The following LMX1A variants were observed in gnomAD, a reference collection of about 807,000 sequenced individuals.
LMX1A encodes LIM homeobox transcription factor 1 alpha.
A neutral mutation model predicts 49.1 loss-of-function variants in LMX1A; 15 were observed. The ratio of observed to expected loss-of-function variants is 0.31; its 90% CI spans 0.20 to 0.47. LMX1A has a LOEUF of 0.47. LMX1A is among the 20% of genes least tolerant of loss of function. The pLI is 1.00. For synonymous variants in LMX1A, 167 were observed against 185.7 expected (o/e 0.90, Z 0.82); for missense variants, 372 against 475.8 (o/e 0.78, Z 2.03).
chr1:165,263,830 T>C (rs910469186), intron 3 of LMX1A, among the ~76,000 whole-genome samples: 2 of 152,228 alleles, frequency 1.3e-5, no homozygotes, highest in African/African-American at 2.4e-5. Context: ...TCTGCCATTA[T>C]ATCACTGCCT....
At chr1:165,332,954 G>A (rs1006247393) in intron 3 of LMX1A, among the ~76,000 whole-genome samples, 1 of 152,130 alleles carries the variant, frequency 6.6e-6, no homozygotes, top group South Asian at 2.1e-4. Flanking sequence ...AAAGAGCACC[G>A]GACTTGCCAC....
intron 3 of LMX1A, among the ~76,000 whole-genome samples, chr1:165,289,332 G>T (rs1297750320): frequency 6.6e-6 from 1 of 152,018 alleles, no homozygotes; most frequent in Non-Finnish European, 1.5e-5. Context: ...CCCAAAGGGA[G>T]ATCCTTCGTT....
At chr1:165,259,174 C>T (rs1256473833) in intron 3 of LMX1A, among the ~76,000 whole-genome samples, 1 of 152,120 alleles carries the variant, frequency 6.6e-6, no homozygotes, top group Non-Finnish European at 1.5e-5. Context: ...TATAACAAAT[C>T]AAATCAAACT....
Position 165,355,378 on chromosome 1 carries a change from G to C in LMX1A, c.76+106C>G, listed in dbSNP as rs1003583885. On this transcript the variant is annotated intron_variant, in intron 2 of 8. Coordinates refer to ENST00000342310, the MANE Select transcript of LMX1A (RefSeq NM_177398.4). This position sits in a 1 kb window ranked among gnomAD's most constrained non-coding sequence, Gnocchi z 4.7. The stretch of plus-strand genomic sequence containing the variant: ...GGGGCTCAATTTAGTGTATGAAGAG[G>C]GGCGCTAGCTTCCCTATCGCGGACC... 2.9e-6 allele frequency: 3 copies of C among 1,029,368 alleles called. No homozygotes were observed. The Admixed American group carries it at 6.0e-5, about 21-fold the overall frequency. 63.8% of individuals were successfully genotyped at this position (1,029,368 alleles called of 1,614,324 possible).
At chr1:165,226,070 G>A (rs746085049) in intron 4 of LMX1A, among the ~76,000 whole-genome samples, 6 of 151,980 alleles carry the variant, frequency 3.9e-5, no homozygotes, top group Non-Finnish European at 8.8e-5. Context: ...TGGTATGACT[G>A]GAGGAAAAGG....
intron 3 of LMX1A, among the ~76,000 whole-genome samples, chr1:165,305,244 G>A (rs1571212746): frequency 2.6e-5 from 4 of 152,206 alleles, no homozygotes; most frequent in Admixed American, 2.6e-4. Context: ...CCAGGTAATG[G>A]GGTCGATGGA....
chr1:165,202,545 C>A lies in LMX1A; in HGVS notation c.*1335G>T, dbSNP rs558510877. 6.6e-6 allele frequency: 1 copy of A among 152,172 alleles called. No individual in the cohort carries two copies. Among genetic ancestry groups the A allele is most frequent in the Non-Finnish European group, 1.5e-5 (1 of 67,996 alleles). The allele number at this position is 152,172 out of a possible 1,614,324, so 9.4% of individuals were successfully genotyped here. ...TATTTCAGGCTTTCCAGGCCACAGA[C>A]AGCCTGTTATATATTCTTCTTCTCC... On this transcript the variant is annotated 3_prime_UTR_variant, in exon 9 of 9. Coordinates refer to ENST00000342310, the MANE Select transcript of LMX1A (RefSeq NM_177398.4).
At chr1:165,245,354 C>T (rs1652809839) in intron 4 of LMX1A, among the ~76,000 whole-genome samples, 2 of 152,220 alleles carry the variant, frequency 1.3e-5, no homozygotes, top group African/African-American at 4.8e-5. Flanking sequence ...GTTTATTTCC[C>T]ATAAAGGCAA....
intron 3 of LMX1A, among the ~76,000 whole-genome samples, chr1:165,259,017 A>G (rs1253142573): frequency 2.0e-5 from 3 of 152,236 alleles, no homozygotes; most frequent in East Asian, 1.9e-4. Flanking sequence ...GCTGCTCTCA[A>G]TAAGTAGTAG....
intron 4 of LMX1A, among the ~76,000 whole-genome samples, chr1:165,217,464 G>C (rs991822650): frequency 1.3e-5 from 2 of 152,216 alleles, no homozygotes; most frequent in African/African-American, 4.8e-5. Context: ...ACAGGTGGCT[G>C]CTCCTTCCTT....
At chr1:165,207,171 G>A (rs1406569138) in intron 7 of LMX1A, among the ~76,000 whole-genome samples, 2 of 152,154 alleles carry the variant, frequency 1.3e-5, no homozygotes. Context: ...TACCAAAATC[G>A]CAGGTGACTT....
intron 4 of LMX1A, among the ~76,000 whole-genome samples, chr1:165,244,199 C>A (rs1320448063): frequency 1.3e-5 from 2 of 152,226 alleles, no homozygotes; most frequent in Non-Finnish European, 2.9e-5. Flanking sequence ...AAGCTCTGCA[C>A]CCCTTCCCCC....
intron 4 of LMX1A, among the ~76,000 whole-genome samples, chr1:165,238,901 C>T (rs1321101849): frequency 1.3e-5 from 2 of 152,224 alleles, no homozygotes; most frequent in African/African-American, 4.8e-5. Context: ...AAGCAAATTA[C>T]TAACTTTTCC....
chr1:165,272,489 T>C (rs1292520355), intron 3 of LMX1A, among the ~76,000 whole-genome samples: 1 of 152,136 alleles, frequency 6.6e-6, no homozygotes, highest in African/African-American at 2.4e-5. Context: ...CCCCTCAGTC[T>C]GTTTCCACCT....
At chr1:165,291,943 TC>T (rs960087884) in intron 3 of LMX1A, among the ~76,000 whole-genome samples, 2 of 150,344 alleles carry the variant, frequency 1.3e-5, no homozygotes, top group African/African-American at 4.9e-5. Context: ...GCGCTTGTAG[TC>T]CCAGCTACAC....
chr1:165,344,649 G>A lies in LMX1A; in HGVS notation c.263+8427C>T, dbSNP rs138098209. ...TGGACCAGGAATGCCTGGGGGATGC[G>A]CAGAAACTAGGCTCTAGTGTTTCTC... On this transcript the variant is annotated intron_variant, in intron 3 of 8. Coordinates refer to ENST00000342310, the MANE Select transcript of LMX1A (RefSeq NM_177398.4). Among the ~76,000 whole-genome samples, 64 of 152,276 alleles carry A rather than the reference G, an allele frequency of 4.2e-4. 1 individual carries two copies. Among genetic ancestry groups the A allele is most frequent in the African/African-American group, 1.2e-3 (50 of 41,550 alleles).
intron 4 of LMX1A, among the ~76,000 whole-genome samples, chr1:165,244,461 T>A (rs1394441): frequency 1 from 151,918 of 152,164 alleles, 75,836 homozygotes; most frequent in Middle Eastern, 1. Flanking sequence ...GCTCTTAACC[T>A]GTGGGATCTG....
chr1:165,218,475 C>T (rs912313827), intron 4 of LMX1A: 5 of 152,434 alleles, frequency 3.3e-5, no homozygotes, highest in African/African-American at 1.2e-4. Context: ...CTAACCATCA[C>T]CCAGCTTCCA....
At chr1:165,258,640 G>A (rs775112221) in intron 3 of LMX1A, among the ~76,000 whole-genome samples, 5 of 152,280 alleles carry the variant, frequency 3.3e-5, no homozygotes, top group Admixed American at 6.5e-5. Context: ...ATGTCTGCAC[G>A]TCCCAGAGGC....
Sources: gnomAD v4.1 joint callset for allele counts (sites outside exome capture counted in the v4.1 genomes callset) on GRCh38, gnomAD v4.1.1 for gene constraint, Gnocchi (gnomAD v3.1) non-coding constraint, MANE v1.5 for transcripts, NCBI Gene and HGNC (gene_info 2026-07-23, HGNC 2026-07-21) for gene names.